Variants in MCM10 observed in about 807,000 individuals in gnomAD.
The protein encoded by MCM10 is protein MCM10 homolog.
Under a neutral mutation model 109.9 loss-of-function variants are expected in MCM10, and 91 were observed. That is an observed-to-expected ratio of 0.83 (90% CI 0.70 to 0.99). MCM10 has a LOEUF of 0.99. MCM10 is among the 50% of genes least tolerant of loss of function. MCM10 has a pLI of 0.00. For synonymous variants in MCM10, 380 were observed against 387.2 expected, an observed-to-expected ratio of 0.98 and a Z score of 0.22; for missense variants, 1,077 against 1,061.2, an observed-to-expected ratio of 1.01 and a Z score of -0.21.
intron 17 of MCM10, among the ~76,000 whole-genome samples, chr10:13,203,438 C>T (rs528263028): frequency 5.3e-5 from 8 of 152,158 alleles, no homozygotes; most frequent in Admixed American, 2.6e-4. Flanking sequence ...CATTAGCAAC[C>T]TGAATTTCAC....
In MCM10 at chr10:13,192,064, T is replaced by C. The variant is rs529389624; in HGVS notation, c.1517-191T>C. 4.6e-5 allele frequency among the ~76,000 whole-genome samples: 7 copies of C among 152,246 alleles called. No homozygotes were observed. In the South Asian group the frequency reaches 1.2e-3, roughly 27 times the overall value. On this transcript the variant is annotated intron_variant, in intron 11 of 19. Transcript: ENST00000378714. The stretch of plus-strand genomic sequence containing the variant: ...TCTAATCATTACTAGAAATAAAATA[T>C]AGTCGAGATACCCTGCCATCCTATG...
intron 17 of MCM10, 29 bp from the exon 18 acceptor site, chr10:13,204,190 C>T (rs7072097): frequency 0.034 from 54,065 of 1,603,458 alleles, 1,254 homozygotes; most frequent in African/African-American, 0.077. Context: ...TCTTCACCGG[C>T]GGTGTGGGTT....
intron 17 of MCM10, 42 bp downstream of exon 17, chr10:13,201,576 T>C: frequency 7.0e-7 from 1 of 1,427,244 alleles, no homozygotes. Context: ...GGGCCCTGTG[T>C]GGTGCTTTTG....
intron 8 of MCM10, 33 bp from the exon 9 acceptor site, chr10:13,186,131 C>G: frequency 8.0e-7 from 1 of 1,252,714 alleles, no homozygotes; most frequent in South Asian, 1.2e-5. Flanking sequence ...TAATTTTGTC[C>G]GCCTTTAACT....
chr10:13,206,295 G>A (rs897649102), intron 18 of MCM10, among the ~76,000 whole-genome samples: 3 of 152,232 alleles, frequency 2.0e-5, no homozygotes, highest in Non-Finnish European at 4.4e-5. Flanking sequence ...TTTCGCCCAC[G>A]GGCACCCTAT....
intron 14 of MCM10, among the ~76,000 whole-genome samples, chr10:13,195,823 G>A (rs538881912): frequency 2.3e-4 from 35 of 151,806 alleles, no homozygotes; most frequent in African/African-American, 8.2e-4. Flanking sequence ...GGCTGGTCTC[G>A]AACTCCTGAC....
At chr10:13,187,623 T>TA (rs1237675492) in intron 9 of MCM10, among the ~76,000 whole-genome samples, 2 of 152,238 alleles carry the variant, frequency 1.3e-5, no homozygotes, top group Non-Finnish European at 2.9e-5. Flanking sequence ...CAGCACCTGT[T>TA]ACTCTATTTC....
intron 17 of MCM10, among the ~76,000 whole-genome samples, chr10:13,202,255 G>T (rs118168867): frequency 0.051 from 7,782 of 152,240 alleles, 269 homozygotes; most frequent in Admixed American, 0.085. Flanking sequence ...TACTTGGGAG[G>T]CTGAGGCAGG....
intron 2 of MCM10, among the ~76,000 whole-genome samples, chr10:13,168,757 T>C (rs1392675805): frequency 3.3e-5 from 5 of 152,122 alleles, no homozygotes; most frequent in Non-Finnish European, 5.9e-5. Context: ...AAAAAAATAT[T>C]TAAGTGACAC....
At chr10:13,208,988 C>G (rs1041780862) in intron 18 of MCM10, 103 bp from the exon 19 acceptor site, 2 of 801,426 alleles carry the variant, frequency 2.5e-6, no homozygotes, top group Non-Finnish European at 4.4e-6. Flanking sequence ...AACAGCTTCT[C>G]CTTGAATGGG....
rs1474159174 is a variant in MCM10, at chr10:13,182,340, G to A, written c.931-593G>A. On this transcript the variant is annotated intron_variant, in intron 7 of 19. Coordinates refer to ENST00000378714, the MANE Select transcript of MCM10 (RefSeq NM_018518.5). The surrounding 1 kb of genome is among the most constrained non-coding windows in gnomAD (Gnocchi z 4.2). ...AGAAAAAAAAAATTAGCTGGGGCTG[G>A]TAGCACATGCCTGTAGTCCCAGCTG... 1.3e-5 allele frequency among the ~76,000 whole-genome samples: 2 copies of A among 152,084 alleles called. No homozygotes were observed. The highest frequency in any genetic ancestry group is 2.9e-5 in the Non-Finnish European group (2 of 68,002).
rs1422049849 is a variant in MCM10 at position 13,171,266 on chromosome 10, G to A, written c.349+3G>A. The A allele has an allele frequency of 5.0e-6, 8 of 1,596,376 alleles. No individual in the cohort carries two copies. In the Admixed American group the frequency reaches 1.1e-4, roughly 21 times the overall value. On this transcript the variant is annotated splice_donor_region_variant and intron_variant, in intron 3 of 19. Transcript: ENST00000378714. ...GAAAACGAATGAAGAGTTGCAAGGT[G>A]CCCTAACTACTTGCCTTCCTTATTT...
chr10:13,185,107 G>A (rs930822877), intron 8 of MCM10, among the ~76,000 whole-genome samples: 1 of 152,182 alleles, frequency 6.6e-6, no homozygotes, highest in African/African-American at 2.4e-5. Flanking sequence ...AGACTCCACA[G>A]AAGCCTAGGA....
Position 13,204,777 on chromosome 10 carries a change from C to T in MCM10, c.2498+413C>T, listed in dbSNP as rs893136855. On this transcript the variant is annotated intron_variant, in intron 18 of 19. Transcript: ENST00000378714. ...TCTTCAGTATCCAAGGGGCATTGGT[C>T]CCAGGACAGCACTCTTCCCCACAGG... 4.6e-5 allele frequency among the ~76,000 whole-genome samples: 7 copies of T among 151,922 alleles called. No individual in the cohort carries two copies. The East Asian group carries it at 5.8e-4, about 13-fold the overall frequency.
At chr10:13,191,768 A>G (rs948136370) in intron 11 of MCM10, among the ~76,000 whole-genome samples, 3 of 152,228 alleles carry the variant, frequency 2.0e-5, no homozygotes, top group African/African-American at 7.2e-5. Context: ...TATGCTTTTT[A>G]AAATTTCTTG....
chr10:13,198,736 G>A lies in MCM10; in HGVS notation c.2167G>A (p.Ala723Thr). The A allele has an allele frequency of 6.2e-7, 1 of 1,613,990 alleles. No homozygotes were observed. The highest frequency in any genetic ancestry group is 8.5e-7 in the Non-Finnish European group (1 of 1,179,980). Residue 723 changes from alanine to threonine, a missense_variant, in exon 16 of 20, where the codon GCC (alanine) becomes ACC (threonine). By Grantham distance (58) the Ala-to-Thr change is moderately conservative (BLOSUM62 0). Coordinates refer to ENST00000378714, the MANE Select transcript of MCM10 (RefSeq NM_018518.5). ...PARKKRREQL[A>T]YLESEEFQKI... ...CAGGAAAAAAAGGAGAGAACAACTTGCCTATCTGGAATCTGAGGAATTTCA... is the reference window on the plus strand; with the variant it reads ...CAGGAAAAAAAGGAGAGAACAACTTACCTATCTGGAATCTGAGGAATTTCA...
rs180921313 is a variant in MCM10, at chr10:13,181,107, A to T, written c.930+500A>T. Among the ~76,000 whole-genome samples, 11 of 152,318 alleles carry T rather than the reference A, an allele frequency of 7.2e-5. No homozygotes were observed. In the East Asian group the frequency reaches 1.9e-3, roughly 27 times the overall value. On this transcript the variant is annotated intron_variant, in intron 7 of 19. Transcript: ENST00000378714. ...ACTTTTGACTGAGTCATAAATGGGA[A>T]AGTTATTCTGTGACCTGGCAAGTCA...
intron 13 of MCM10, among the ~76,000 whole-genome samples, chr10:13,193,491 G>A (rs1157165241): frequency 6.6e-6 from 1 of 152,140 alleles, no homozygotes; most frequent in Non-Finnish European, 1.5e-5. Flanking sequence ...CTGGAGATCA[G>A]AGAGCTAGTT....
intron 17 of MCM10, among the ~76,000 whole-genome samples, chr10:13,202,388 C>T (rs1047751464): frequency 5.3e-5 from 8 of 152,124 alleles, no homozygotes; most frequent in African/African-American, 1.9e-4. Context: ...GAAGAAAGCT[C>T]TTGCTGAACA....
Sources: gnomAD v4.1 joint callset for allele counts (sites outside exome capture counted in the v4.1 genomes callset) on GRCh38, gnomAD v4.1.1 for gene constraint, Gnocchi (gnomAD v3.1) non-coding constraint, MANE v1.5 for transcripts, NCBI Gene and HGNC (gene_info 2026-07-23, HGNC 2026-07-21) for gene names.